Variants in COX10 observed in about 807,000 individuals in gnomAD.
COX10 encodes protoheme IX farnesyltransferase, mitochondrial.
A neutral mutation model predicts 37.3 loss-of-function variants in COX10; 27 were observed. The observed-to-expected ratio is 0.72, with a 90% CI of 0.53 to 1.00. The LOEUF (loss-of-function observed/expected upper bound fraction) is 1.00, where lower values mean the gene tolerates loss of function less well. Among genes scored for constraint, COX10 ranks in the 50% least tolerant of loss-of-function variants. The probability of loss-of-function intolerance (pLI) is 0.00; values close to 1 mark genes in which losing one functional copy is unlikely to be tolerated. For missense variants in COX10, 475 were observed against 563.2 expected, an observed-to-expected ratio of 0.84 and a Z score of 1.59; for synonymous variants, 222 against 229.1, an observed-to-expected ratio of 0.97 and a Z score of 0.28.
chr17:14,076,257 A>G (rs1169329157), intron 2 of COX10, among the ~76,000 whole-genome samples: 2 of 151,586 alleles, frequency 1.3e-5, no homozygotes, highest in African/African-American at 2.4e-5. Context: ...GTATGCCACC[A>G]TGACCCACTA....
chr17:14,088,006 T>C (rs575708105), intron 3 of COX10, among the ~76,000 whole-genome samples: 1 of 152,254 alleles, frequency 6.6e-6, no homozygotes, highest in South Asian at 2.1e-4. Flanking sequence ...AGCTGTGATA[T>C]AGCTGCCTCT....
chr17:14,139,054 G>A (rs1334984487), intron 4 of COX10, among the ~76,000 whole-genome samples: 1 of 152,144 alleles, frequency 6.6e-6, no homozygotes, highest in African/African-American at 2.4e-5. Context: ...CTCCTGATTA[G>A]GGTTACAGTG....
chr17:14,116,905 G>A (rs1916127164), intron 4 of COX10, among the ~76,000 whole-genome samples: 1 of 152,144 alleles, frequency 6.6e-6, no homozygotes, highest in Admixed American at 6.5e-5. Flanking sequence ...TCAAAACCTT[G>A]CAGGGACTTC....
chr17:14,072,846 T>C (rs78157990), intron 1 of COX10, among the ~76,000 whole-genome samples: 9,384 of 152,264 alleles, frequency 0.062, 344 homozygotes, highest in Non-Finnish European at 0.074. Context: ...TATATAAAAG[T>C]GCTCTGCTAG....
chr17:14,128,808 C>A lies in COX10; in HGVS notation c.624+26566C>A, dbSNP rs142975666. Among the ~76,000 whole-genome samples, 99 of 152,250 alleles carry A rather than the reference C, an allele frequency of 6.5e-4. 1 individual carries two copies. In the East Asian group the frequency reaches 0.018, roughly 28 times the overall value. On this transcript the variant is annotated intron_variant, in intron 4 of 6. Transcript: ENST00000261643. ...GCGGTCAACTTTAAGAAGAGCATAT[C>A]TCAAGGCACGTTTCAAAAATCTGTA...
chr17:14,183,563 T>C (rs1424332672), intron 5 of COX10, among the ~76,000 whole-genome samples: 2 of 151,968 alleles, frequency 1.3e-5, no homozygotes, highest in Non-Finnish European at 1.5e-5. Flanking sequence ...TTAAAAAACA[T>C]GTTTTGTATG....
intron 5 of COX10, among the ~76,000 whole-genome samples, chr17:14,164,484 A>T (rs1316956368): frequency 1.3e-5 from 2 of 152,242 alleles, no homozygotes; most frequent in Non-Finnish European, 2.9e-5. Flanking sequence ...ATTCCCTTTT[A>T]AAAATGTACA....
At chr17:14,174,056 A>G (rs576120917) in intron 5 of COX10, among the ~76,000 whole-genome samples, 1 of 152,154 alleles carries the variant, frequency 6.6e-6, no homozygotes, top group East Asian at 1.9e-4. Context: ...TAAAATGAAA[A>G]TACAAGCCAC....
intron 4 of COX10, among the ~76,000 whole-genome samples, chr17:14,152,071 A>G (rs1597523790): frequency 6.6e-6 from 1 of 152,204 alleles, no homozygotes; most frequent in African/African-American, 2.4e-5. Context: ...CTGAAAAACT[A>G]AATACCTTTA....
chr17:14,108,970 A>G (rs1367421048), intron 4 of COX10, among the ~76,000 whole-genome samples: 1 of 152,188 alleles, frequency 6.6e-6, no homozygotes. Flanking sequence ...GACTTATGTT[A>G]GTGAATACCA....
intron 4 of COX10, among the ~76,000 whole-genome samples, chr17:14,144,022 T>C (rs1282712517): frequency 6.6e-6 from 1 of 152,158 alleles, no homozygotes; most frequent in Non-Finnish European, 1.5e-5. Flanking sequence ...ATACTGCAAC[T>C]CCTGAGGGAT....
intron 5 of COX10, among the ~76,000 whole-genome samples, chr17:14,167,168 G>A (rs973111076): frequency 1.3e-5 from 2 of 152,112 alleles, no homozygotes; most frequent in South Asian, 4.1e-4. Flanking sequence ...AGACAGATAC[G>A]AAAGAAATAG....
At chr17:14,204,971 G>C (rs116146110) in intron 6 of COX10, among the ~76,000 whole-genome samples, 1 of 152,174 alleles carries the variant, frequency 6.6e-6, no homozygotes, top group African/African-American at 2.4e-5. Flanking sequence ...TCTGAGTTTG[G>C]TGACGTGCAC....
At chr17:14,137,539 C>T (rs4792438) in intron 4 of COX10, among the ~76,000 whole-genome samples, 35,483 of 151,736 alleles carry the variant, frequency 0.23, 5,179 homozygotes, top group Admixed American at 0.32. Context: ...TAAATACTTA[C>T]ATCTCTTTTT....
At chr17:14,181,000 C>T (rs932028133) in intron 5 of COX10, among the ~76,000 whole-genome samples, 2 of 152,034 alleles carry the variant, frequency 1.3e-5, no homozygotes, top group African/African-American at 4.8e-5. Flanking sequence ...GCAGCCATGG[C>T]AGCAGCTCAT....
chr17:14,088,211 T>G lies in COX10; in HGVS notation c.499+11155T>G, dbSNP rs1915454031. Among the ~76,000 whole-genome samples the G allele has an allele frequency of 2.0e-5, 3 of 152,228 alleles. No individual in the cohort carries two copies. In the South Asian group the frequency reaches 6.2e-4, roughly 31 times the overall value. ...TAGCTATTTATGTAGTGTATTTTTT[T>G]GCTATTTAAATAATGAATGTAGTGA... On this transcript the variant is annotated intron_variant, in intron 3 of 6. Transcript: ENST00000261643.
At chr17:14,092,776 T>C (rs1915557484) in intron 3 of COX10, among the ~76,000 whole-genome samples, 1 of 152,164 alleles carries the variant, frequency 6.6e-6, no homozygotes, top group Non-Finnish European at 1.5e-5. Context: ...TAAGTACAGC[T>C]ATTTAGTAAA....
chr17:14,171,172 C>T (rs1353885416), intron 5 of COX10, among the ~76,000 whole-genome samples: 1 of 152,088 alleles, frequency 6.6e-6, no homozygotes, highest in Admixed American at 6.5e-5. Context: ...GAACCTTTCC[C>T]TCATACTATC....
intron 3 of COX10, among the ~76,000 whole-genome samples, chr17:14,095,035 A>G (rs955085162): frequency 1.3e-5 from 2 of 152,244 alleles, no homozygotes; most frequent in African/African-American, 4.8e-5. Flanking sequence ...CTGCTCCAGA[A>G]CACAGAAATT....
Sources: allele counts gnomAD v4.1 joint callset (sites outside exome capture counted in the v4.1 genomes callset), GRCh38; gene constraint gnomAD v4.1.1; transcripts MANE v1.5; gene names NCBI Gene and HGNC (gene_info 2026-07-23, HGNC 2026-07-21).